ATP6V1E1: variants seen among roughly 807,000 people sequenced by gnomAD.
The protein encoded by ATP6V1E1 is ATPase H+ transporting V1 subunit E1.
Under a neutral mutation model 35.2 loss-of-function variants are expected in ATP6V1E1, and 21 were observed. That is an observed-to-expected ratio of 0.60 (90% CI 0.42 to 0.86). The LOEUF is 0.86. Ranked by LOEUF, ATP6V1E1 falls within the 40% of genes least tolerant of loss-of-function variation. The pLI, the probability that ATP6V1E1 is intolerant of heterozygous loss-of-function variation, is 0.00. For missense variants in ATP6V1E1, 183 were observed against 272.6 expected (o/e 0.67, Z 2.32); for synonymous variants, 83 against 87.8 (o/e 0.95, Z 0.30).
chr22:17,603,709 G>C (rs4819609), intron 4 of ATP6V1E1, among the ~76,000 whole-genome samples: 1 of 151,912 alleles, frequency 6.6e-6, no homozygotes, highest in African/African-American at 2.4e-5. Flanking sequence ...ATTATGTGTA[G>C]GCAAATATTC....
chr22:17,616,623 G>A (rs2057846351), intron 2 of ATP6V1E1, among the ~76,000 whole-genome samples: 1 of 148,378 alleles, frequency 6.7e-6, no homozygotes, highest in Non-Finnish European at 1.5e-5. Context: ...AGGTTGTGGT[G>A]AGCTGAGATC....
chr22:17,592,561 A>C lies in ATP6V1E1; in HGVS notation c.*113T>G. On this transcript the variant is annotated 3_prime_UTR_variant, in exon 9 of 9. Coordinates refer to ENST00000253413, the MANE Select transcript of ATP6V1E1 (RefSeq NM_001696.4). ...AGAGGGGCATCGCTGATAAATACAGAGCAATACTGGGGCAGTGAAGAGGAA... is the reference window on the plus strand; with the variant it reads ...AGAGGGGCATCGCTGATAAATACAGCGCAATACTGGGGCAGTGAAGAGGAA... 1 of 1,096,768 alleles carries C rather than the reference A, an allele frequency of 9.1e-7. No homozygotes were observed. The highest frequency in any genetic ancestry group is 1.3e-5 in the South Asian group (1 of 79,346). 67.9% of individuals were successfully genotyped at this position (1,096,768 alleles called of 1,614,324 possible).
intron 1 of ATP6V1E1, among the ~76,000 whole-genome samples, chr22:17,624,020 T>C (rs143099766): frequency 6.6e-6 from 1 of 152,238 alleles, no homozygotes; most frequent in Admixed American, 6.5e-5. Flanking sequence ...GAGTCAGGTT[T>C]CTTTGTAAAT....
In ATP6V1E1 at chr22:17,608,887, C is replaced by A. The variant is rs559290944; in HGVS notation, c.276+3925G>T. Among the ~76,000 whole-genome samples, 9 of 152,216 alleles carry A rather than the reference C, an allele frequency of 5.9e-5. No individual in the cohort carries two copies. The East Asian group carries it at 1.4e-3, about 23-fold the overall frequency. On this transcript the variant is annotated intron_variant, in intron 4 of 8. Coordinates refer to ENST00000253413, the MANE Select transcript of ATP6V1E1 (RefSeq NM_001696.4). ...AGATCACGAGGTCAGGAAATCGAGA[C>A]CATCCTGGCTAACACGGTGAAACCC... is the stretch of plus-strand genomic sequence containing the variant.
chr22:17,599,297 C>G (rs995074759), intron 6 of ATP6V1E1, among the ~76,000 whole-genome samples: 7 of 150,818 alleles, frequency 4.6e-5, no homozygotes, highest in African/African-American at 1.7e-4. Flanking sequence ...AAAAGAAAGG[C>G]AGGGCACGGT....
chr22:17,621,414 G>A (rs1363343249), intron 1 of ATP6V1E1, among the ~76,000 whole-genome samples: 1 of 152,082 alleles, frequency 6.6e-6, no homozygotes, highest in Non-Finnish European at 1.5e-5. Flanking sequence ...CAGCTCAAGC[G>A]ATCCCCCCGT....
intron 1 of ATP6V1E1, among the ~76,000 whole-genome samples, chr22:17,626,442 A>G (rs902193199): frequency 6.6e-6 from 1 of 151,954 alleles, no homozygotes; most frequent in Non-Finnish European, 1.5e-5. Flanking sequence ...TGGCATGATC[A>G]TAGCTCACTG....
chr22:17,599,902 G>T lies in ATP6V1E1; in HGVS notation c.435+125C>A. 2 of 767,412 alleles carry T rather than the reference G, an allele frequency of 2.6e-6. 1 individual carries two copies. 47.5% of individuals were successfully genotyped at this position (767,412 alleles called of 1,614,324 possible). A position where few individuals can be genotyped will look rare whatever the true frequency, so the allele number is the denominator to read the frequency against. ...GATCCCGCCATTGCACTCCATCCTG[G>T]ACAACAGAGTGAGACTCCACCAAAA... On this transcript the variant is annotated intron_variant, in intron 6 of 8. Coordinates refer to ENST00000253413, the MANE Select transcript of ATP6V1E1 (RefSeq NM_001696.4).
At position 17,628,721 on chromosome 22, in the gene ATP6V1E1, T is replaced by G. The variant is rs541621674; in HGVS notation, c.-86A>C. 6.4e-5 allele frequency: 100 copies of G among 1,568,528 alleles called. No homozygotes were observed. In the African/African-American group the frequency reaches 8.1e-4, roughly 13 times the overall value. ...GAGAGAAATCGGCAAAGGGAACCCCTGCGCAGATCTCGGGTTCCTTTACTT... is the reference window on the plus strand; with the variant it reads ...GAGAGAAATCGGCAAAGGGAACCCCGGCGCAGATCTCGGGTTCCTTTACTT... On this transcript the variant is annotated 5_prime_UTR_variant, in exon 1 of 9. Coordinates refer to ENST00000253413, the MANE Select transcript of ATP6V1E1 (RefSeq NM_001696.4).
intron 1 of ATP6V1E1, among the ~76,000 whole-genome samples, chr22:17,621,655 G>C (rs2057878253): frequency 1.3e-5 from 2 of 152,120 alleles, no homozygotes; most frequent in African/African-American, 4.8e-5. Context: ...ACCATCTTCA[G>C]ACTCTTAGTT....
chr22:17,622,174 A>G (rs2057880868), intron 1 of ATP6V1E1, among the ~76,000 whole-genome samples: 1 of 152,244 alleles, frequency 6.6e-6, no homozygotes, highest in African/African-American at 2.4e-5. Context: ...AAATTGACGT[A>G]GGATCTTTAG....
At chr22:17,615,766 C>A (rs1405220345) in intron 2 of ATP6V1E1, among the ~76,000 whole-genome samples, 1 of 152,118 alleles carries the variant, frequency 6.6e-6, no homozygotes, top group Non-Finnish European at 1.5e-5. Context: ...GGCGCGGTAG[C>A]TAACGCCTGT....
intron 4 of ATP6V1E1, among the ~76,000 whole-genome samples, chr22:17,602,360 G>A (rs1293572196): frequency 6.6e-6 from 1 of 151,046 alleles, no homozygotes; most frequent in Non-Finnish European, 1.5e-5. Flanking sequence ...AAGGCTTAAG[G>A]GCTAAAAGAA....
intron 1 of ATP6V1E1, among the ~76,000 whole-genome samples, chr22:17,621,107 G>A (rs551263460): frequency 4.0e-5 from 6 of 151,712 alleles, no homozygotes; most frequent in Non-Finnish European, 5.9e-5. Flanking sequence ...CTCCATCATC[G>A]GAGGGACTAC....
intron 6 of ATP6V1E1, 101 bp downstream of exon 6, chr22:17,599,926 A>G (rs931042047): frequency 1.1e-5 from 11 of 1,016,260 alleles, no homozygotes; most frequent in Non-Finnish European, 1.6e-5. Flanking sequence ...ACTCCACCAA[A>G]AAAAAAAGAA....
intron 4 of ATP6V1E1, among the ~76,000 whole-genome samples, chr22:17,604,640 C>T (rs907989886): frequency 6.6e-6 from 1 of 152,034 alleles, no homozygotes; most frequent in Non-Finnish European, 1.5e-5. Flanking sequence ...CTGCCTCAGC[C>T]TCCTGAGTAG....
intron 4 of ATP6V1E1, among the ~76,000 whole-genome samples, chr22:17,608,751 TG>T (rs1408234203): frequency 1.3e-5 from 2 of 152,210 alleles, no homozygotes; most frequent in Non-Finnish European, 2.9e-5. Flanking sequence ...AAGAATATGA[TG>T]GATTACTGTA....
rs1173752320 is a variant in ATP6V1E1 at position 17,616,819 on chromosome 22, C to T, written c.99+2642G>A. Among the ~76,000 whole-genome samples the T allele has an allele frequency of 3.1e-5, 2 of 65,372 alleles. 1 individual carries two copies. The highest frequency in any genetic ancestry group is 6.9e-5 in the Non-Finnish European group (2 of 28,986). 42.9% of individuals were successfully genotyped at this position (65,372 alleles called of 152,430 possible). ...ATCCCAGCACTTTGGGAGGCCGAGG[C>T]GGGCGGATCACGAGGTCAGGAGATC... On this transcript the variant is annotated intron_variant, in intron 2 of 8. Coordinates refer to ENST00000253413, the MANE Select transcript of ATP6V1E1 (RefSeq NM_001696.4).
Position 17,592,229 on chromosome 22 carries a change from C to T in ATP6V1E1, c.*445G>A, listed in dbSNP as rs924446029. The T allele has an allele frequency of 2.5e-5, 4 of 158,810 alleles. No individual in the cohort carries two copies. Among genetic ancestry groups the T allele is most frequent in the Non-Finnish European group, 2.8e-5 (2 of 72,080 alleles). 9.8% of individuals were successfully genotyped at this position (158,810 alleles called of 1,614,324 possible). A position where few individuals can be genotyped will look rare whatever the true frequency, so the allele number is the denominator to read the frequency against. ...TGGCTTAGATTTTAAATCACATTTA[C>T]AGATGAGGGAAAACTTCTAGGCCTA... On this transcript the variant is annotated 3_prime_UTR_variant, in exon 9 of 9. Coordinates refer to ENST00000253413, the MANE Select transcript of ATP6V1E1 (RefSeq NM_001696.4).
Sources: allele counts gnomAD v4.1 joint callset (sites outside exome capture counted in the v4.1 genomes callset), GRCh38; gene constraint gnomAD v4.1.1; transcripts MANE v1.5; gene names NCBI Gene and HGNC (gene_info 2026-07-23, HGNC 2026-07-21).